The following FAM107B variants were observed in gnomAD, a reference collection of about 807,000 sequenced individuals.
FAM107B encodes protein FAM107B.
In FAM107B, 21 loss-of-function variants were observed where a neutral mutation model predicts 31.5. The observed-to-expected ratio is 0.67, with a 90% CI of 0.47 to 0.96. FAM107B has a LOEUF of 0.96. Among genes scored for constraint, FAM107B ranks in the 40% least tolerant of loss-of-function variants. The pLI, the probability that FAM107B is intolerant of heterozygous loss-of-function variation, is 0.00. For missense variants in FAM107B, 452 were observed against 377.1 expected (o/e 1.20, Z -1.64); for synonymous variants, 157 against 141.5 (o/e 1.11, Z -0.78).
At chr10:14,658,833 T>C (rs1057363398) in intron 2 of FAM107B, among the ~76,000 whole-genome samples, 1 of 152,154 alleles carries the variant, frequency 6.6e-6, no homozygotes, top group African/African-American at 2.4e-5. Flanking sequence ...CAAAAAATGG[T>C]CAAACATCCC....
intron 3 of FAM107B, among the ~76,000 whole-genome samples, chr10:14,523,036 G>C (rs1475746669): frequency 6.6e-6 from 1 of 152,172 alleles, no homozygotes; most frequent in Non-Finnish European, 1.5e-5. Flanking sequence ...GGAGAAACAA[G>C]CCAAACAGGC....
intron 2 of FAM107B, among the ~76,000 whole-genome samples, chr10:14,617,063 G>C (rs1249738965): frequency 1.3e-5 from 2 of 152,144 alleles, no homozygotes; most frequent in East Asian, 3.9e-4. Context: ...AGAAGAAAGA[G>C]AACCGAGAGG....
rs550663154 is a variant in FAM107B at position 14,728,353 on chromosome 10, T to A, written c.411+45900A>T. ...GGGGTGTGTGTGTGTGTGTGTGTGC[T>A]TTTTTTTTTAATCTCCAGCGGTAGA... is the stretch of plus-strand genomic sequence containing the variant. On this transcript the variant is annotated intron_variant, in intron 1 of 4. Transcript: ENST00000181796. Among the ~76,000 whole-genome samples, 13 of 144,572 alleles carry A rather than the reference T, an allele frequency of 9.0e-5. No individual in the cohort carries two copies. The South Asian group carries it at 2.9e-3, about 32-fold the overall frequency. 94.8% of individuals were successfully genotyped at this position (144,572 alleles called of 152,430 possible). A position where few individuals can be genotyped will look rare whatever the true frequency, so the allele number is the denominator to read the frequency against.
At chr10:14,530,232 A>G in intron 3 of FAM107B, 100 bp downstream of exon 3, 1 of 1,267,536 alleles carries the variant, frequency 7.9e-7, no homozygotes, top group Non-Finnish European at 1.1e-6. Context: ...AGTGCAAGAA[A>G]TCAAAGACTC....
chr10:14,629,293 TTGTATA>T (rs1853256221), intron 2 of FAM107B, among the ~76,000 whole-genome samples: 1 of 95,778 alleles, frequency 1.0e-5, no homozygotes, highest in African/African-American at 4.0e-5. Context: ...TAAATATAAA[TTGTATA>T]AATATATAAT....
intron 2 of FAM107B, among the ~76,000 whole-genome samples, chr10:14,600,607 T>C (rs1414992266): frequency 1.3e-5 from 2 of 152,158 alleles, no homozygotes; most frequent in African/African-American, 2.4e-5. Context: ...TAAACAATTT[T>C]TGTGTAATTT....
At chr10:14,656,568 G>T (rs1050718536) in intron 2 of FAM107B, among the ~76,000 whole-genome samples, 4 of 152,132 alleles carry the variant, frequency 2.6e-5, no homozygotes, top group South Asian at 4.1e-4. Context: ...ATACCAATGT[G>T]GGGGAAGGAA....
At chr10:14,624,436 A>C (rs1385039618) in intron 2 of FAM107B, among the ~76,000 whole-genome samples, 3 of 152,112 alleles carry the variant, frequency 2.0e-5, no homozygotes, top group Non-Finnish European at 4.4e-5. Context: ...CAGGAATTGG[A>C]CACCAGCTGG....
chr10:14,660,695 A>C (rs78275091), intron 2 of FAM107B, among the ~76,000 whole-genome samples: 3 of 152,182 alleles, frequency 2.0e-5, no homozygotes, highest in Non-Finnish European at 2.9e-5. Flanking sequence ...CATGTGGTAT[A>C]TGTGCATGGT....
intron 2 of FAM107B, chr10:14,554,189 C>G (rs963946941): frequency 1.0e-6 from 1 of 982,338 alleles, no homozygotes; most frequent in Non-Finnish European, 1.2e-6. Flanking sequence ...TTCCTCTACC[C>G]TCCCACTGCC....
intron 2 of FAM107B, among the ~76,000 whole-genome samples, chr10:14,566,027 C>A (rs140069214): frequency 6.6e-6 from 1 of 152,206 alleles, no homozygotes; most frequent in Non-Finnish European, 1.5e-5. Flanking sequence ...AGCCCCCATG[C>A]CTGAGGGGCC....
intron 2 of FAM107B, among the ~76,000 whole-genome samples, chr10:14,611,767 T>C (rs1852733627): frequency 6.6e-6 from 1 of 151,758 alleles, no homozygotes; most frequent in Non-Finnish European, 1.5e-5. Context: ...GCAGGGCTCA[T>C]AGTTCATCTC....
chr10:14,667,495 C>T, intron 2 of FAM107B, 139 bp downstream of exon 2: 1 of 788,384 alleles, frequency 1.3e-6, no homozygotes, highest in Non-Finnish European at 2.0e-6. Context: ...GAATATATCA[C>T]ACGTGACATT....
chr10:14,770,400 G>A (rs982612074), intron 1 of FAM107B, among the ~76,000 whole-genome samples: 3 of 152,088 alleles, frequency 2.0e-5, no homozygotes, highest in Non-Finnish European at 4.4e-5. Flanking sequence ...GCTGGCGCCT[G>A]TAATCCCAGC....
At chr10:14,522,887 TC>T (rs1845816965) in intron 3 of FAM107B, among the ~76,000 whole-genome samples, 1 of 152,090 alleles carries the variant, frequency 6.6e-6, no homozygotes, top group South Asian at 2.1e-4. Context: ...AGAACCTTAA[TC>T]CCCTAATTCT....
intron 1 of FAM107B, among the ~76,000 whole-genome samples, chr10:14,712,246 T>C (rs1435314103): frequency 2.0e-5 from 3 of 152,120 alleles, no homozygotes; most frequent in Non-Finnish European, 2.9e-5. Context: ...CTCATAAATA[T>C]ATACATCTAC....
At chr10:14,554,422 CAGG>C (rs1005079329) in intron 2 of FAM107B, among the ~76,000 whole-genome samples, 1 of 152,132 alleles carries the variant, frequency 6.6e-6, no homozygotes, top group African/African-American at 2.4e-5. Flanking sequence ...TCAGACTGGG[CAGG>C]AGGAATGAGC....
At chr10:14,597,073 C>T (rs1241441004) in intron 2 of FAM107B, among the ~76,000 whole-genome samples, 2 of 151,986 alleles carry the variant, frequency 1.3e-5, no homozygotes, top group Non-Finnish European at 2.9e-5. Context: ...TGCACATCCA[C>T]TAAAAAAAGA....
At chr10:14,621,966 C>CTT (rs1853022673) in intron 2 of FAM107B, among the ~76,000 whole-genome samples, 1 of 152,186 alleles carries the variant, frequency 6.6e-6, no homozygotes, top group Non-Finnish European at 1.5e-5. Flanking sequence ...GATTCCAGGT[C>CTT]TTTTCTCTTC....
Sources: gnomAD v4.1 joint callset for allele counts (sites outside exome capture counted in the v4.1 genomes callset) on GRCh38, gnomAD v4.1.1 for gene constraint, MANE v1.5 for transcripts, NCBI Gene and HGNC (gene_info 2026-07-23, HGNC 2026-07-21) for gene names.